The following SOX30 variants were observed in gnomAD, a reference collection of about 807,000 sequenced individuals.
SOX30 encodes the protein transcription factor SOX-30.
In SOX30, 17 loss-of-function variants were observed where a neutral mutation model predicts 58.6. The ratio of observed to expected loss-of-function variants is 0.29; its 90% CI spans 0.20 to 0.44. The LOEUF (loss-of-function observed/expected upper bound fraction) is 0.44, where lower values mean the gene tolerates loss of function less well. SOX30 is among the 20% of genes least tolerant of loss of function. The probability of loss-of-function intolerance (pLI) is 1.00; values close to 1 mark genes in which losing one functional copy is unlikely to be tolerated. For synonymous variants in SOX30, 421 were observed against 400.2 expected, an observed-to-expected ratio of 1.05 and a Z score of -0.62; for missense variants, 951 against 965.8, an observed-to-expected ratio of 0.98 and a Z score of 0.20.
chr5:157,658,448 G>A (rs534263400), intron 2 of SOX30, among the ~76,000 whole-genome samples: 1 of 152,168 alleles, frequency 6.6e-6, no homozygotes, highest in East Asian at 1.9e-4. Flanking sequence ...TCTGACTGCT[G>A]CTCAGAAGAA....
rs1214231569 is a variant in SOX30 at position 157,638,481 on chromosome 5, G to T, written c.1629C>A (p.Ala543=). The T allele has an allele frequency of 1.2e-6, 2 of 1,614,178 alleles. No homozygotes were observed. Among genetic ancestry groups the T allele is most frequent in the Non-Finnish European group, 1.7e-6 (2 of 1,180,030 alleles). ...TACTTGCACTACTTGAAATCCTGTT[G>T]GCGCTCTCTAGAGAGACAGGAGTGG... The part of the protein sequence containing the change: ...KQPTPVSLES[A]NRISSSASTA... The change falls in exon 4 of 5, where the codon GCC becomes GCA. Residue 543 remains alanine (A), a synonymous_variant. Coordinates refer to ENST00000265007, the MANE Select transcript of SOX30 (RefSeq NM_178424.2).
At chr5:157,668,075 A>G (rs551369588) in intron 1 of SOX30, among the ~76,000 whole-genome samples, 1 of 152,298 alleles carries the variant, frequency 6.6e-6, no homozygotes, top group East Asian at 1.9e-4. Flanking sequence ...CTGCCGCCCC[A>G]GTGATTCTCA....
Position 157,651,364 on chromosome 5 carries a change from T to C in SOX30, c.715A>G (p.Ser239Gly). 9 of 1,613,782 alleles carry C rather than the reference T, an allele frequency of 5.6e-6. No homozygotes were observed. The highest frequency in any genetic ancestry group is 7.6e-6 in the Non-Finnish European group (9 of 1,180,030). The change falls in exon 1 of 5, where the codon AGC becomes GGC. Residue 239 changes from serine to glycine, a missense_variant. Ser to Gly is a moderately conservative substitution (Grantham distance 56). Coordinates refer to ENST00000265007, the MANE Select transcript of SOX30 (RefSeq NM_178424.2). ...GTTGGGGCCAAGATGACCTCCGCGCTGCCATGAACCAGGCCATTGGACGCG... is the reference window on the plus strand; with the variant it reads ...GTTGGGGCCAAGATGACCTCCGCGCCGCCATGAACCAGGCCATTGGACGCG... ...EPASNGLVHG[S>G]AEVILAPTSG...
At chr5:157,638,943 A>T (rs1242513616) in intron 3 of SOX30, among the ~76,000 whole-genome samples, 1 of 152,050 alleles carries the variant, frequency 6.6e-6, no homozygotes, top group East Asian at 1.9e-4. Context: ...CTCTCTCTCA[A>T]CTAGACTCTA....
In SOX30 at chr5:157,638,675, G is replaced by T; in HGVS notation, c.1435C>A (p.Pro479Thr). The T allele has an allele frequency of 6.2e-7, 1 of 1,614,112 alleles. No individual in the cohort carries two copies. Among genetic ancestry groups the T allele is most frequent in the African/African-American group, 1.3e-5 (1 of 75,040 alleles). ...GGCTGGAAAAGTGTGACAGGGCTTG[G>T]GCTCTGGACTGCAGGTGTGGGCAGC... ...IQLPTPAVQS[P>T]SPVTLFQPSV... The change falls in exon 4 of 5, where the codon CCA (proline) becomes ACA (threonine). Residue 479 changes from proline (P) to threonine (T), a missense_variant. Physicochemically the swap from Pro to Thr is conservative, Grantham distance 38. Transcript: ENST00000265007.
chr5:157,666,818 G>T (rs192008046), intron 2 of SOX30, among the ~76,000 whole-genome samples: 1 of 152,140 alleles, frequency 6.6e-6, no homozygotes, highest in African/African-American at 2.4e-5. Context: ...CGATTCTCCC[G>T]CCTCAGCCTC....
At chr5:157,666,864 C>T (rs1170913746) in intron 2 of SOX30, among the ~76,000 whole-genome samples, 1 of 152,156 alleles carries the variant, frequency 6.6e-6, no homozygotes, top group African/African-American at 2.4e-5. Context: ...CACCACTACA[C>T]CTGGCTAATT....
At position 157,626,478 on chromosome 5, in the gene SOX30, T is replaced by G. The variant is rs1203621568; in HGVS notation, c.2124A>C (p.Leu708Phe). Residue 708 changes from leucine (L) to phenylalanine (F), a missense_variant, in exon 5 of 5, where the codon TTA becomes TTC. Physicochemically the swap from Leu to Phe is conservative, Grantham distance 22 (BLOSUM62 0). Around this residue, in one of 7 missense-constraint regions of SOX30, gnomAD observed 381 missense variants for 390.0 expected, o/e 0.98. Transcript: ENST00000265007. ...NSHSHSGEEN[L>F]NPVPQLDIGT... ...CAATGTCCAGCTGAGGCACAGGGTTTAAGTTTTCTTCCCCACTGTGGCTAT... is the reference window on the plus strand; with the variant it reads ...CAATGTCCAGCTGAGGCACAGGGTTGAAGTTTTCTTCCCCACTGTGGCTAT... 1 of 1,614,078 alleles carries G rather than the reference T, an allele frequency of 6.2e-7. No homozygotes were observed.
At chr5:157,636,591 A>G (rs532698879) in intron 4 of SOX30, among the ~76,000 whole-genome samples, 1 of 152,304 alleles carries the variant, frequency 6.6e-6, no homozygotes, top group African/African-American at 2.4e-5. Flanking sequence ...CTTTCTCCTG[A>G]TCTAATCCTC....
Position 157,644,446 on chromosome 5 carries a change from C to T in SOX30, c.1387+2191G>A, listed in dbSNP as rs1759141832. ...TGCCTACCATACTTAAATACAACAT[C>T]ATGGAGAAAGAACCCTACCAACATT... On this transcript the variant is annotated intron_variant, in intron 3 of 4. Transcript: ENST00000265007. Among the ~76,000 whole-genome samples the T allele has an allele frequency of 3.3e-5, 5 of 152,298 alleles. No individual in the cohort carries two copies. In the South Asian group the frequency reaches 8.3e-4, roughly 25 times the overall value.
At chr5:157,667,956 C>T in intron 1 of SOX30, 1 of 1,276,548 alleles carries the variant, frequency 7.8e-7, no homozygotes, top group Non-Finnish European at 1.1e-6. Context: ...TGTCAGGCAT[C>T]ACGCCTATCT....
At chr5:157,635,065 T>C (rs995260324) in intron 4 of SOX30, among the ~76,000 whole-genome samples, 6 of 152,232 alleles carry the variant, frequency 3.9e-5, no homozygotes, top group Non-Finnish European at 8.8e-5. Flanking sequence ...CAGTCATAAA[T>C]AGATTATTTC....
chr5:157,667,059 T>C (rs72813212), intron 2 of SOX30, among the ~76,000 whole-genome samples: 6,888 of 152,222 alleles, frequency 0.045, 246 homozygotes, highest in East Asian at 0.1. Flanking sequence ...TCTCTTCCAC[T>C]AGGTATCTGA....
intron 4 of SOX30, among the ~76,000 whole-genome samples, chr5:157,636,265 C>T (rs937400120): frequency 6.6e-6 from 1 of 152,176 alleles, no homozygotes; most frequent in Admixed American, 6.5e-5. Flanking sequence ...GTAGCAGATA[C>T]AATTTTCCAC....
chr5:157,656,940 T>C (rs1759484206), upstream of SOX30, among the ~76,000 whole-genome samples: 1 of 152,236 alleles, frequency 6.6e-6, no homozygotes, highest in Non-Finnish European at 1.5e-5. Flanking sequence ...ACAAGTTTTT[T>C]TAGAGCAAAA....
rs1758984951 is a variant in SOX30, at chr5:157,638,442, T to C, written c.1668A>G (p.Arg556=). 9.3e-6 allele frequency: 15 copies of C among 1,614,132 alleles called. No individual in the cohort carries two copies. The highest frequency in any genetic ancestry group is 1.3e-5 in the Non-Finnish European group (15 of 1,179,998). ...GAGGTTGGATGGTCGAAGTTGCAAATCTGGCATGGGCAGTACTTGCACTAC... is the reference window on the plus strand; with the variant it reads ...GAGGTTGGATGGTCGAAGTTGCAAACCTGGCATGGGCAGTACTTGCACTAC... ...ISSSASTAHA[R]FATSTIQPPR... The change falls in exon 4 of 5, where the codon AGA becomes AGG. Residue 556 remains arginine (R), a synonymous_variant. Transcript: ENST00000265007.
rs555036178 is a variant in SOX30 at position 157,651,339 on chromosome 5, G to T, written c.740C>A (p.Thr247Lys). ...CTGGTGCGGCCCAAAGGCACCGGAC[G>T]TTGGGGCCAAGATGACCTCCGCGCT... ...HGSAEVILAP[T>K]SGAFGPHQQD... is the part of the protein sequence containing the mutation. Residue 247 changes from threonine to lysine, a missense_variant, in exon 1 of 5, where the codon ACG (threonine) becomes AAG (lysine). Coordinates refer to ENST00000265007, the MANE Select transcript of SOX30 (RefSeq NM_178424.2). 6.2e-7 allele frequency: 1 copy of T among 1,614,004 alleles called. No individual in the cohort carries two copies. Among genetic ancestry groups the T allele is most frequent in the Non-Finnish European group, 8.5e-7 (1 of 1,180,040 alleles).
In SOX30 at chr5:157,659,420, G is replaced by C. The variant is rs190824995; in HGVS notation, c.52+8378C>G. Among the ~76,000 whole-genome samples the C allele has an allele frequency of 3.9e-5, 6 of 152,282 alleles. No individual in the cohort carries two copies. The East Asian group carries it at 1.2e-3, about 29-fold the overall frequency. ...AACCCCCAACTCAAAGGCTAACTTTGGGTAAGTGGTGGGGTCCAATAAGAA... is the reference window on the plus strand; with the variant it reads ...AACCCCCAACTCAAAGGCTAACTTTCGGTAAGTGGTGGGGTCCAATAAGAA... On this transcript the variant is annotated intron_variant, in intron 2 of 5. Coordinates refer to the SOX30 transcript ENST00000519442.
intron 2 of SOX30, among the ~76,000 whole-genome samples, chr5:157,666,548 C>T (rs527744907): frequency 5.3e-4 from 80 of 151,452 alleles, no homozygotes; most frequent in African/African-American, 1.8e-3. Context: ...AATGAAATCT[C>T]AGCTGGGATC....
Sources: gnomAD v4.1 joint callset for allele counts (sites outside exome capture counted in the v4.1 genomes callset) on GRCh38, gnomAD v4.1.1 for gene constraint, gnomAD v4.1.1 regional missense constraint, MANE v1.5 for transcripts, NCBI Gene and HGNC (gene_info 2026-07-23, HGNC 2026-07-21) for gene names.